RIMS1: variants seen among roughly 807,000 people sequenced by gnomAD.
RIMS1 encodes regulating synaptic membrane exocytosis 1.
In RIMS1, 83 loss-of-function variants were observed where a neutral mutation model predicts 214.1. That is an observed-to-expected ratio of 0.39 (90% CI 0.32 to 0.47). The LOEUF (loss-of-function observed/expected upper bound fraction) is 0.47. RIMS1 is among the 20% of genes least tolerant of loss of function. The pLI, the probability that RIMS1 is intolerant of heterozygous loss-of-function variation, is 0.99. For missense variants in RIMS1, 2,050 were observed against 2,161.8 expected (o/e 0.95, Z 1.03); for synonymous variants, 793 against 786.8 (o/e 1.01, Z -0.13).
intron 4 of RIMS1, among the ~76,000 whole-genome samples, chr6:72,143,790 C>T (rs757491861): frequency 2.6e-5 from 4 of 152,138 alleles, no homozygotes; most frequent in African/African-American, 4.8e-5. Flanking sequence ...TCTACATTAT[C>T]GTATTTTTAC....
At chr6:72,212,576 T>A (rs1316287887) in intron 6 of RIMS1, among the ~76,000 whole-genome samples, 1 of 152,166 alleles carries the variant, frequency 6.6e-6, no homozygotes, top group Non-Finnish European at 1.5e-5. Context: ...GCAGAAGAGT[T>A]AGGTTAAGAA....
intron 19 of RIMS1, chr6:72,262,082 T>C: frequency 1.0e-6 from 1 of 984,662 alleles, no homozygotes. Context: ...ACAAAAAAAA[T>C]CCTTATATTT....
Position 71,921,269 on chromosome 6 carries a change from C to T in RIMS1, c.164+34082C>T, listed in dbSNP as rs545845267. 5.9e-5 allele frequency among the ~76,000 whole-genome samples: 9 copies of T among 152,190 alleles called. No homozygotes were observed. In the South Asian group the frequency reaches 1.0e-3, roughly 18 times the overall value. ...CTGAGTAGCTGGGATTAGAGGCACCCGCCACCATGCCCAGCTAATTTTTGT... is the reference window on the plus strand; with the variant it reads ...CTGAGTAGCTGGGATTAGAGGCACCTGCCACCATGCCCAGCTAATTTTTGT... On this transcript the variant is annotated intron_variant, in intron 1 of 33. Coordinates refer to ENST00000521978, the MANE Select transcript of RIMS1 (RefSeq NM_014989.7).
At chr6:72,036,852 AG>A (rs1404280789) in intron 2 of RIMS1, among the ~76,000 whole-genome samples, 4 of 152,296 alleles carry the variant, frequency 2.6e-5, no homozygotes, top group Non-Finnish European at 4.4e-5. Flanking sequence ...TAGAAATGAA[AG>A]GGGGCAACAT....
At chr6:72,337,647 T>A (rs899354330) in intron 29 of RIMS1, among the ~76,000 whole-genome samples, 1 of 151,572 alleles carries the variant, frequency 6.6e-6, no homozygotes, top group Non-Finnish European at 1.5e-5. Flanking sequence ...TGTGCAGGTT[T>A]GTTACATATG....
In RIMS1 at chr6:71,905,988, C is replaced by T. The variant is rs777123365; in HGVS notation, c.164+18801C>T. Among the ~76,000 whole-genome samples the T allele has an allele frequency of 1.1e-3, 172 of 152,264 alleles. 1 individual carries two copies. Among genetic ancestry groups the T allele is most frequent in the Middle Eastern group, 6.8e-3 (2 of 294 alleles). Reference sequence around the variant, plus strand: ...TATTTTGGGGCTATAGGGACAAAGTCCCTGTCCTCCTTATGCCTGTACTCC... The same window carrying T: ...TATTTTGGGGCTATAGGGACAAAGTTCCTGTCCTCCTTATGCCTGTACTCC... On this transcript the variant is annotated intron_variant, in intron 1 of 33. Coordinates refer to ENST00000521978, the MANE Select transcript of RIMS1 (RefSeq NM_014989.7).
At chr6:72,312,704 G>A (rs1441850997) in intron 27 of RIMS1, among the ~76,000 whole-genome samples, 3 of 152,116 alleles carry the variant, frequency 2.0e-5, no homozygotes, top group African/African-American at 4.8e-5. Context: ...TGAAGCCATA[G>A]TAGAAAGCTA....
intron 29 of RIMS1, among the ~76,000 whole-genome samples, chr6:72,358,100 T>A (rs2097704066): frequency 7.2e-6 from 1 of 138,836 alleles, no homozygotes. Context: ...CCCAAAACAA[T>A]TACTGGATTT....
intron 29 of RIMS1, among the ~76,000 whole-genome samples, chr6:72,374,819 A>T (rs1011860113): frequency 6.6e-6 from 1 of 152,346 alleles, no homozygotes; most frequent in East Asian, 1.9e-4. Context: ...ACAACTCACC[A>T]TAATGTAGAA....
intron 6 of RIMS1, among the ~76,000 whole-genome samples, chr6:72,212,212 AT>A (rs1262877612): frequency 1.3e-5 from 2 of 151,784 alleles, no homozygotes; most frequent in African/African-American, 4.8e-5. Context: ...AAAATATATA[AT>A]TTTTTTCATA....
Position 72,265,011 on chromosome 6 carries a change from G to A in RIMS1, c.3153G>A (p.Lys1051=), listed in dbSNP as rs755308074. The change falls in exon 20 of 34, where the codon AAG becomes AAA. Residue 1051 remains lysine, a synonymous_variant. Transcript: ENST00000521978. ...GGCACTATAAAACATTACCTCCCAA[G>A]ATGCCTTTATTACAGAGCAGTTCTC... is the stretch of plus-strand genomic sequence containing the variant. ...LVRHYKTLPP[K]MPLLQSSSHW... is the part of the protein sequence containing the mutation. 6.3e-7 allele frequency: 1 copy of A among 1,597,588 alleles called. No individual in the cohort carries two copies. Among genetic ancestry groups the A allele is most frequent in the South Asian group, 1.1e-5 (1 of 88,344 alleles).
chr6:72,371,126 G>A (rs2098203047), intron 29 of RIMS1, among the ~76,000 whole-genome samples: 1 of 152,020 alleles, frequency 6.6e-6, no homozygotes, highest in African/African-American at 2.4e-5. Context: ...TCATATCTCT[G>A]TGTGTCTGTG....
chr6:72,331,963 G>C (rs951172426), intron 28 of RIMS1, among the ~76,000 whole-genome samples: 2 of 151,702 alleles, frequency 1.3e-5, no homozygotes, highest in African/African-American at 4.8e-5. Context: ...AGGATCCTAA[G>C]GACCAGTCTT....
At chr6:72,258,436 A>T (rs116202646) in intron 17 of RIMS1, among the ~76,000 whole-genome samples, 155 bp downstream of exon 17, 1,864 of 152,188 alleles carry the variant, frequency 0.012, 46 homozygotes, top group African/African-American at 0.043. Flanking sequence ...TCTTTATCCA[A>T]CCTATGTGGC....
In RIMS1 at chr6:72,182,869, C is replaced by T; in HGVS notation, c.1398C>T (p.Ala466=). 1 of 1,561,330 alleles carries T rather than the reference C, an allele frequency of 6.4e-7. No homozygotes were observed. Among genetic ancestry groups the T allele is most frequent in the East Asian group, 2.4e-5 (1 of 41,558 alleles). Residue 466 remains alanine (A), a synonymous_variant, in exon 6 of 34, where the codon GCC becomes GCT. Transcript: ENST00000521978. Reference sequence around the variant, plus strand: ...CCGCAGAAGCCCCGGAGCTCAAAGCCCAGGAGCCCCTCAGGAAGCAGAGCC... The same window carrying T: ...CCGCAGAAGCCCCGGAGCTCAAAGCTCAGGAGCCCCTCAGGAAGCAGAGCC... ...PVPAEAPELK[A]QEPLRKQSRL...
intron 1 of RIMS1, among the ~76,000 whole-genome samples, chr6:71,903,314 G>A (rs1039047823): frequency 6.6e-6 from 1 of 151,980 alleles, no homozygotes; most frequent in East Asian, 1.9e-4. Flanking sequence ...TTGATTGGCC[G>A]CATGAATGTC....
rs149739828 is a variant in RIMS1 at position 72,399,856 on chromosome 6, C to A, written c.4861-640C>A. On this transcript the variant is annotated intron_variant, in intron 33 of 33. Coordinates refer to ENST00000521978, the MANE Select transcript of RIMS1 (RefSeq NM_014989.7). ...GGAGTATGTGAAATGGAAGGCTTGTCTGACACTAGTAGCCAATAGAAGTTG... is the reference window on the plus strand; with the variant it reads ...GGAGTATGTGAAATGGAAGGCTTGTATGACACTAGTAGCCAATAGAAGTTG... 4.2e-3 allele frequency among the ~76,000 whole-genome samples: 644 copies of A among 152,228 alleles called. 2 individuals are homozygous for A. The highest frequency in any genetic ancestry group is 0.02 in the Middle Eastern group (6 of 294).
At chr6:72,086,487 G>T (rs997906169) in intron 2 of RIMS1, among the ~76,000 whole-genome samples, 10 of 152,082 alleles carry the variant, frequency 6.6e-5, no homozygotes, top group Admixed American at 2.0e-4. Flanking sequence ...GCTTCTTTTT[G>T]CAGGATACTA....
At chr6:72,054,102 G>A (rs1175014816) in intron 2 of RIMS1, among the ~76,000 whole-genome samples, 1 of 151,112 alleles carries the variant, frequency 6.6e-6, no homozygotes, top group Non-Finnish European at 1.5e-5. Context: ...AACTGGCCCT[G>A]GTATGTGTTG....
Sources: allele counts gnomAD v4.1 joint callset (sites outside exome capture counted in the v4.1 genomes callset), GRCh38; gene constraint gnomAD v4.1.1; transcripts MANE v1.5; gene names NCBI Gene and HGNC (gene_info 2026-07-23, HGNC 2026-07-21).